Variants in DAO observed in about 807,000 individuals in gnomAD.
DAO encodes D-amino acid oxidase.
Under a neutral mutation model 50.1 loss-of-function variants are expected in DAO, and 51 were observed. The ratio of observed to expected loss-of-function variants is 1.02; its 90% confidence interval spans 0.81 to 1.29. The LOEUF (loss-of-function observed/expected upper bound fraction) is 1.29, where lower values mean the gene tolerates loss of function less well. Among genes scored for constraint, DAO ranks in the 50% most tolerant of loss-of-function variants. The pLI is 0.00. For missense variants in DAO, 436 were observed against 439.4 expected, an observed-to-expected ratio of 0.99 and a Z score of 0.07; for synonymous variants, 160 against 166.2, an observed-to-expected ratio of 0.96 and a Z score of 0.29.
rs1345411051 is a variant in DAO, at chr12:108,887,543, C to T, written c.288C>T (p.Asn96=). Residue 96 remains asparagine, a synonymous_variant, in exon 3 of 11, where the codon AAC becomes AAT. Coordinates refer to ENST00000228476, the MANE Select transcript of DAO (RefSeq NM_001917.5). ...GCCTGTTCCTAATCTCGGGCTACAA[C>T]CTCTTCCATGAAGCCATTCCGGTGG... ...NLGLFLISGY[N]LFHEAIPDPS... is the part of the protein sequence containing the mutation. 1.9e-6 allele frequency: 3 copies of T among 1,613,496 alleles called. No homozygotes were observed. Among genetic ancestry groups the T allele is most frequent in the East Asian group, 4.5e-5 (2 of 44,876 alleles).
At chr12:108,895,486 AG>A (rs2039541586) in intron 7 of DAO, among the ~76,000 whole-genome samples, 1 of 124,182 alleles carries the variant, frequency 8.1e-6, no homozygotes, top group South Asian at 2.6e-4. Context: ...CATGTATGTG[AG>A]GGTGTATGTG....
At chr12:108,890,429 T>C (rs192261477) in intron 5 of DAO, among the ~76,000 whole-genome samples, 156 bp downstream of exon 5, 2 of 152,310 alleles carry the variant, frequency 1.3e-5, no homozygotes, top group African/African-American at 4.8e-5. Flanking sequence ...TGATCACCGC[T>C]GGGCACAGAG....
At chr12:108,882,419 A>G (rs979192588) in intron 1 of DAO, among the ~76,000 whole-genome samples, 2 of 152,196 alleles carry the variant, frequency 1.3e-5, no homozygotes, top group Non-Finnish European at 2.9e-5. Context: ...AGGCTGAGGC[A>G]GGAGAATCAC....
At chr12:108,888,430 G>C (rs1370969025) in intron 3 of DAO, among the ~76,000 whole-genome samples, 4 of 151,896 alleles carry the variant, frequency 2.6e-5, no homozygotes, top group Admixed American at 1.3e-4. Flanking sequence ...CTGCTTCCTG[G>C]GTTCAAGCCA....
chr12:108,897,763 C>G (rs1276006612), intron 8 of DAO, among the ~76,000 whole-genome samples: 1 of 152,032 alleles, frequency 6.6e-6, no homozygotes, highest in East Asian at 1.9e-4. Flanking sequence ...GCTTGGGCAA[C>G]ATGGCAAGAC....
chr12:108,889,837 G>T (rs966134919), intron 4 of DAO, among the ~76,000 whole-genome samples: 2 of 152,026 alleles, frequency 1.3e-5, no homozygotes, highest in Non-Finnish European at 2.9e-5. Context: ...ACTTCCTAAG[G>T]TCACACAGCC....
At chr12:108,900,106 T>G in intron 10 of DAO, 1 of 397,542 alleles carries the variant, frequency 2.5e-6, no homozygotes, top group South Asian at 2.2e-5. Context: ...TGGGGTGAAT[T>G]AAGAGGTGAA....
At chr12:108,881,814 C>A (rs2039385216) in intron 1 of DAO, among the ~76,000 whole-genome samples, 1 of 151,818 alleles carries the variant, frequency 6.6e-6, no homozygotes, top group African/African-American at 2.4e-5. Context: ...CCATATTGGC[C>A]AGGCTGGTCT....
At chr12:108,893,137 C>G in intron 6 of DAO, 101 bp downstream of exon 6, 1 of 1,015,620 alleles carries the variant, frequency 9.8e-7, no homozygotes. Flanking sequence ...CTCCTAGGGT[C>G]CCCACAGGCC....
At chr12:108,890,154 A>G in intron 4 of DAO, 54 bp from the exon 5 acceptor site, 1 of 1,475,588 alleles carries the variant, frequency 6.8e-7, no homozygotes, top group Non-Finnish European at 9.5e-7. Flanking sequence ...ACAGCCTTCA[A>G]ATATAGCTCT....
At chr12:108,894,532 G>T (rs1326012288) in intron 7 of DAO, among the ~76,000 whole-genome samples, 165 bp downstream of exon 7, 2 of 152,082 alleles carry the variant, frequency 1.3e-5, no homozygotes, top group Admixed American at 6.6e-5. Flanking sequence ...CACCCCCATT[G>T]CTCTCTTTCA....
At chr12:108,880,502 G>T in intron 1 of DAO, 1 of 250,950 alleles carries the variant, frequency 4.0e-6, no homozygotes, top group East Asian at 9.9e-5. Flanking sequence ...TGCATGTAAA[G>T]TGCTTAGAGC....
chr12:108,892,486 C>T (rs764023509), intron 5 of DAO, among the ~76,000 whole-genome samples: 2 of 152,048 alleles, frequency 1.3e-5, no homozygotes, highest in African/African-American at 2.4e-5. Context: ...TATTTCTAAT[C>T]GTGATAGATG....
rs1414942403 is a variant in DAO, at chr12:108,889,541, T to A, written c.382T>A (p.Tyr128Asn). 1 of 1,612,036 alleles carries A rather than the reference T, an allele frequency of 6.2e-7. No homozygotes were observed. Among genetic ancestry groups the A allele is most frequent in the Non-Finnish European group, 8.5e-7 (1 of 1,178,586 alleles). ...CAGAGAGCTGGATATGTTCCCAGAT[T>A]ACGGGTGAGTTTATTGTCACAGGCA... ...TPRELDMFPD[Y>N]GYGWFHTSLI... Residue 128 changes from tyrosine to asparagine, a missense_variant, in exon 4 of 11, where the codon TAC becomes AAC. Coordinates refer to ENST00000228476, the MANE Select transcript of DAO (RefSeq NM_001917.5).
chr12:108,883,696 G>A (rs1164403354), intron 1 of DAO: 1 of 454,386 alleles, frequency 2.2e-6, no homozygotes, highest in Non-Finnish European at 4.4e-6. Flanking sequence ...GAAGACCAAG[G>A]GTCCCTGAGA....
rs932650316 is a variant in DAO at position 108,892,094 on chromosome 12, G to A, written c.453-888G>A. Reference sequence around the variant, plus strand: ...GGAAATGAGATAGTTCCAAGGGTATGCTTCACCTTCTTTTTGGCTTATTTC... The same window carrying A: ...GGAAATGAGATAGTTCCAAGGGTATACTTCACCTTCTTTTTGGCTTATTTC... On this transcript the variant is annotated intron_variant, in intron 5 of 10. Transcript: ENST00000228476. Among the ~76,000 whole-genome samples, 5 of 151,440 alleles carry A rather than the reference G, an allele frequency of 3.3e-5. No individual in the cohort carries two copies. The East Asian group carries it at 9.7e-4, about 29-fold the overall frequency.
intron 5 of DAO, among the ~76,000 whole-genome samples, 165 bp from the exon 6 acceptor site, chr12:108,892,817 T>C (rs948231944): frequency 6.6e-6 from 1 of 152,140 alleles, no homozygotes; most frequent in Non-Finnish European, 1.5e-5. Flanking sequence ...ACCAGTCCAG[T>C]AGGTGCTCAT....
chr12:108,895,350 TGC>T (rs1302309309), intron 7 of DAO, among the ~76,000 whole-genome samples: 1 of 150,348 alleles, frequency 6.7e-6, no homozygotes, highest in Non-Finnish European at 1.5e-5. Flanking sequence ...AGGGTGTGTG[TGC>T]ATGTGTGTGA....
At chr12:108,890,980 C>A (rs1318516038) in intron 5 of DAO, among the ~76,000 whole-genome samples, 2 of 152,102 alleles carry the variant, frequency 1.3e-5, no homozygotes, top group Non-Finnish European at 2.9e-5. Context: ...CACCACCACA[C>A]CTGGCTAATT....
Sources: gnomAD v4.1 joint callset for allele counts (sites outside exome capture counted in the v4.1 genomes callset) on GRCh38, gnomAD v4.1.1 for gene constraint, MANE v1.5 for transcripts, NCBI Gene and HGNC (gene_info 2026-07-23, HGNC 2026-07-21) for gene names.